STXBP5L: variants seen among roughly 807,000 people sequenced by gnomAD.
The protein encoded by STXBP5L is syntaxin-binding protein 5-like.
Under a neutral mutation model 144.5 loss-of-function variants are expected in STXBP5L, and 65 were observed. The ratio of observed to expected loss-of-function variants is 0.45; its 90% CI spans 0.37 to 0.55. The LOEUF is 0.55. STXBP5L is among the 20% of genes least tolerant of loss of function. STXBP5L has a pLI of 0.00. For missense variants in STXBP5L, 1,298 were observed against 1,405.5 expected, an observed-to-expected ratio of 0.92 and a Z score of 1.22; for synonymous variants, 505 against 469.6, an observed-to-expected ratio of 1.08 and a Z score of -0.97.
intron 18 of STXBP5L, among the ~76,000 whole-genome samples, chr3:121,273,557 A>T (rs1219306993): frequency 6.6e-6 from 1 of 152,100 alleles, no homozygotes; most frequent in Non-Finnish European, 1.5e-5. Context: ...TCTCAAGGTT[A>T]TCAAAGTTTT....
intron 2 of STXBP5L, among the ~76,000 whole-genome samples, chr3:120,921,249 T>C (rs1176203917): frequency 1.3e-5 from 2 of 152,218 alleles, no homozygotes; most frequent in East Asian, 1.9e-4. Context: ...TTTTTTCATA[T>C]GCCTGTTGGC....
chr3:120,922,974 A>G (rs992748987), intron 2 of STXBP5L, among the ~76,000 whole-genome samples: 1 of 151,918 alleles, frequency 6.6e-6, no homozygotes, highest in Non-Finnish European at 1.5e-5. Flanking sequence ...CAATGAAACC[A>G]TCAGGCTTTT....
chr3:121,313,192 C>A (rs1428432775), intron 19 of STXBP5L, among the ~76,000 whole-genome samples: 2 of 140,204 alleles, frequency 1.4e-5, no homozygotes, highest in African/African-American at 2.8e-5. Context: ...ACCTCCCGGA[C>A]GGGGCGGCCG....
intron 2 of STXBP5L, among the ~76,000 whole-genome samples, chr3:120,940,030 A>T (rs1710481723): frequency 6.6e-6 from 1 of 151,966 alleles, no homozygotes; most frequent in Non-Finnish European, 1.5e-5. Context: ...GTTTCACAAG[A>T]TTTTCATTTT....
In STXBP5L at chr3:121,352,200, T is replaced by G. The variant is rs574441074; in HGVS notation, c.2177-26516T>G. Among the ~76,000 whole-genome samples the G allele has an allele frequency of 5.3e-5, 8 of 152,112 alleles. No homozygotes were observed. In the East Asian group the frequency reaches 5.8e-4, roughly 11 times the overall value. On this transcript the variant is annotated intron_variant, in intron 20 of 26. Coordinates refer to ENST00000471454, the MANE Select transcript of STXBP5L (RefSeq NM_001308330.2). ...TTCGTTCCGTATGAACTTTAAAGTA[T>G]TTTTTTCCAATTCTGTGAAGAAAGT...
At chr3:120,925,614 T>C (rs1386404475) in intron 2 of STXBP5L, among the ~76,000 whole-genome samples, 3 of 152,168 alleles carry the variant, frequency 2.0e-5, no homozygotes, top group Admixed American at 1.3e-4. Flanking sequence ...GCCTTTTACT[T>C]GGATAATTGA....
chr3:121,011,065 A>G (rs1944737685), intron 3 of STXBP5L, among the ~76,000 whole-genome samples: 1 of 149,668 alleles, frequency 6.7e-6, no homozygotes, highest in South Asian at 2.1e-4. Context: ...TATGTTTTAA[A>G]TCTAGTATGT....
rs965196399 is a variant in STXBP5L at position 121,163,249 on chromosome 3, G to T, written c.877+5622G>T. The stretch of plus-strand genomic sequence containing the variant: ...TGGAATACTATGCAGCCATAAAAAA[G>T]AATGAGTTCATGTCCTTTGTAGGGA... On this transcript the variant is annotated intron_variant, in intron 9 of 26. Transcript: ENST00000471454. Among the ~76,000 whole-genome samples, 3 of 152,280 alleles carry T rather than the reference G, an allele frequency of 2.0e-5. No homozygotes were observed. The East Asian group carries it at 5.8e-4, about 29-fold the overall frequency.
intron 3 of STXBP5L, among the ~76,000 whole-genome samples, chr3:121,004,120 A>C (rs915279328): frequency 1.3e-5 from 2 of 152,280 alleles, no homozygotes; most frequent in Non-Finnish European, 2.9e-5. Flanking sequence ...GATGGCACTG[A>C]ATCTATAAAT....
At chr3:121,280,529 T>A (rs1336623919) in intron 19 of STXBP5L, among the ~76,000 whole-genome samples, 1 of 151,908 alleles carries the variant, frequency 6.6e-6, no homozygotes, top group African/African-American at 2.4e-5. Context: ...GATCAATAAA[T>A]CGATGTATTT....
At chr3:121,259,302 A>G (rs2050311342) in intron 18 of STXBP5L, 134 bp downstream of exon 18, 1 of 629,490 alleles carries the variant, frequency 1.6e-6, no homozygotes, top group African/African-American at 1.9e-5. Flanking sequence ...AATATATAAG[A>G]AAAATAATTT....
In STXBP5L at chr3:121,239,123, A is replaced by C; in HGVS notation, c.1332+5A>C. The C allele has an allele frequency of 6.7e-7, 1 of 1,492,706 alleles. No homozygotes were observed. The highest frequency in any genetic ancestry group is 9.0e-7 in the Non-Finnish European group (1 of 1,108,416). The allele number at this position is 1,492,706 out of a possible 1,614,324, so 92.5% of individuals were successfully genotyped here. On this transcript the variant is annotated splice_donor_5th_base_variant and intron_variant, in intron 13 of 26. Coordinates refer to ENST00000471454, the MANE Select transcript of STXBP5L (RefSeq NM_001308330.2). ...AAACAAGGATACAGTAATAAGGTAA[A>C]AGTAGAAATTATAAATAACTTTTTT...
chr3:121,128,371 T>A (rs1335472747), intron 7 of STXBP5L, among the ~76,000 whole-genome samples: 1 of 152,112 alleles, frequency 6.6e-6, no homozygotes, highest in Non-Finnish European at 1.5e-5. Flanking sequence ...ATGATAATGT[T>A]AAAATGAATG....
At chr3:121,283,363 T>C (rs1301492413) in intron 19 of STXBP5L, among the ~76,000 whole-genome samples, 1 of 151,958 alleles carries the variant, frequency 6.6e-6, no homozygotes, top group Non-Finnish European at 1.5e-5. Flanking sequence ...AGTTGAGTAA[T>C]TTTTGCTCAT....
intron 3 of STXBP5L, among the ~76,000 whole-genome samples, chr3:121,022,061 C>G (rs1170290287): frequency 6.6e-6 from 1 of 152,000 alleles, no homozygotes; most frequent in East Asian, 1.9e-4. Context: ...TCCAAATAAA[C>G]CCCATTAGAA....
At chr3:121,268,073 A>T (rs1445483268) in intron 18 of STXBP5L, among the ~76,000 whole-genome samples, 2 of 152,190 alleles carry the variant, frequency 1.3e-5, no homozygotes, top group Non-Finnish European at 2.9e-5. Context: ...TACCCAAAGG[A>T]TTATAAATCA....
chr3:121,204,320 G>A (rs1369168172), intron 9 of STXBP5L, among the ~76,000 whole-genome samples: 6 of 152,098 alleles, frequency 3.9e-5, no homozygotes, highest in African/African-American at 1.2e-4. Flanking sequence ...TATAATGTTA[G>A]CAATTCTATT....
intron 3 of STXBP5L, among the ~76,000 whole-genome samples, chr3:121,008,847 A>T (rs61798593): frequency 6.6e-6 from 1 of 152,050 alleles, no homozygotes; most frequent in Non-Finnish European, 1.5e-5. Flanking sequence ...AGGAAAATCC[A>T]TATTTAGAAT....
At chr3:120,979,965 A>T (rs528856792) in intron 3 of STXBP5L, among the ~76,000 whole-genome samples, 95 of 152,284 alleles carry the variant, frequency 6.2e-4, no homozygotes, top group African/African-American at 2.2e-3. Context: ...TCCTAGCCTA[A>T]TTTCATTATT....
Sources: gnomAD v4.1 joint callset for allele counts (sites outside exome capture counted in the v4.1 genomes callset) on GRCh38, gnomAD v4.1.1 for gene constraint, MANE v1.5 for transcripts, NCBI Gene and HGNC (gene_info 2026-07-23, HGNC 2026-07-21) for gene names.